The following THBS2 variants were observed in gnomAD, a reference collection of about 807,000 sequenced individuals.
THBS2 encodes thrombospondin-2.
A neutral mutation model predicts 135.2 loss-of-function variants in THBS2; 47 were observed. That is an observed-to-expected ratio of 0.35 (90% CI 0.28 to 0.44). The LOEUF (loss-of-function observed/expected upper bound fraction) is 0.44, where lower values mean the gene tolerates loss of function less well. Ranked by LOEUF, THBS2 falls within the 20% of genes least tolerant of loss-of-function variation. The probability of loss-of-function intolerance (pLI) is 1.00; values close to 1 mark genes in which losing one functional copy is unlikely to be tolerated. For synonymous variants in THBS2, 639 were observed against 633.8 expected, an observed-to-expected ratio of 1.01 and a Z score of -0.12; for missense variants, 1,288 against 1,603.1, an observed-to-expected ratio of 0.80 and a Z score of 3.36.
At chr6:169,225,407 CA>C (rs1779591835) in intron 16 of THBS2, 28 bp from the exon 17 acceptor site, 23 of 1,546,404 alleles carry the variant, frequency 1.5e-5, no homozygotes, top group Non-Finnish European at 2.0e-5. Context: ...AGAGAAACAG[CA>C]GAGGACTGCC....
In THBS2 at chr6:169,225,326, T is replaced by C; in HGVS notation, c.2592A>G (p.Ile864Met). 1 of 1,571,230 alleles carries C rather than the reference T, an allele frequency of 6.4e-7. No homozygotes were observed. Among genetic ancestry groups the C allele is most frequent in the Non-Finnish European group, 8.6e-7 (1 of 1,157,768 alleles). The stretch of plus-strand genomic sequence containing the variant: ...GGTTGTTCTGGTGGCCGTCGTCATC[T>C]ATGTCCTCGTTGTTGTCACACTGGT... Reference protein sequence around the residue: ...VGDQCDNNEDIDDDGHQNNQD... With the variant: ...VGDQCDNNEDMDDDGHQNNQD... Residue 864 changes from isoleucine (I) to methionine (M), a missense_variant, in exon 17 of 22, where the codon ATA (isoleucine) becomes ATG (methionine). Transcript: ENST00000617924.
intron 3 of THBS2, among the ~76,000 whole-genome samples, chr6:169,247,373 A>C (rs561277174): frequency 6.6e-6 from 1 of 152,084 alleles, no homozygotes; most frequent in African/African-American, 2.4e-5. Context: ...TTGTATACAC[A>C]TGTGTGATGG....
At chr6:169,221,382 G>C in intron 20 of THBS2, 48 bp downstream of exon 20, 1 of 1,544,384 alleles carries the variant, frequency 6.5e-7, no homozygotes. Context: ...TGTGCCGTCC[G>C]ATGGGAAGCC....
intron 21 of THBS2, among the ~76,000 whole-genome samples, chr6:169,218,337 T>A (rs566073454): frequency 7.2e-6 from 1 of 138,862 alleles, no homozygotes; most frequent in Non-Finnish European, 1.5e-5. Flanking sequence ...GTAGATGAGA[T>A]GAATGGGTGG....
At chr6:169,231,907 G>A (rs1779848845) in intron 13 of THBS2, 73 bp downstream of exon 13, 15 of 1,456,384 alleles carry the variant, frequency 1.0e-5, no homozygotes, top group East Asian at 2.4e-5. Context: ...CCCCCCGTCC[G>A]CGTAGCGTCC....
At chr6:169,247,525 T>TG in intron 3 of THBS2, among the ~76,000 whole-genome samples, 1 of 126,950 alleles carries the variant, frequency 7.9e-6, no homozygotes, top group East Asian at 2.1e-4. Flanking sequence ...TGTGTTTATG[T>TG]GTGGGGGATG....
At chr6:169,233,471 A>G (rs1048327043) in intron 10 of THBS2, among the ~76,000 whole-genome samples, 1 of 151,746 alleles carries the variant, frequency 6.6e-6, no homozygotes, top group African/African-American at 2.4e-5. Context: ...GCCACCTTCC[A>G]GACCACACAA....
At chr6:169,247,731 C>T (rs1318996792) in intron 3 of THBS2, among the ~76,000 whole-genome samples, 3 of 151,788 alleles carry the variant, frequency 2.0e-5, no homozygotes, top group African/African-American at 4.8e-5. Flanking sequence ...TGCACATGTG[C>T]ATGCATGAGT....
chr6:169,242,442 C>T (rs1583418193), intron 4 of THBS2, among the ~76,000 whole-genome samples: 3 of 151,990 alleles, frequency 2.0e-5, no homozygotes, highest in African/African-American at 7.2e-5. Flanking sequence ...CATCCCCAAA[C>T]ACCCTTTCTT....
In THBS2 at chr6:169,231,992, G is replaced by A; in HGVS notation, c.2139C>T (p.Tyr713=). 6.2e-7 allele frequency: 1 copy of A among 1,613,846 alleles called. No homozygotes were observed. Among genetic ancestry groups the A allele is most frequent in the Non-Finnish European group, 8.5e-7 (1 of 1,179,904 alleles). The stretch of plus-strand genomic sequence containing the variant: ...CCCCGCGCCTCACCTTGATGCAGTG[G>A]TAGGTGGCGTTGGTGGCGCAGACCA... The part of the protein sequence containing the change: ...LNLVCATNAT[Y]HCIKDNCPHL... Residue 713 remains tyrosine (Y), a synonymous_variant, in exon 13 of 22, where the codon TAC becomes TAT. Transcript: ENST00000617924.
intron 9 of THBS2, among the ~76,000 whole-genome samples, chr6:169,235,733 C>T (rs1390541575): frequency 1.3e-5 from 2 of 150,168 alleles, no homozygotes; most frequent in Non-Finnish European, 3.0e-5. Context: ...CTTCCATCCA[C>T]ACTCACTGCC....
rs759232361 is a variant in THBS2 at position 169,245,328 on chromosome 6, A to G, written c.694+869T>C. On this transcript the variant is annotated intron_variant, in intron 4 of 21. Coordinates refer to ENST00000617924, the MANE Select transcript of THBS2 (RefSeq NM_003247.5). ...AAGATTAGATGATGTACGGCATTTA[A>G]TGAACCTGTCATAGTGACCTTCAGA... 7.9e-5 allele frequency among the ~76,000 whole-genome samples: 12 copies of G among 152,366 alleles called. 1 individual carries two copies. The South Asian group carries it at 1.7e-3, about 21-fold the overall frequency.
At chr6:169,233,117 A>G in intron 10 of THBS2, 100 bp from the exon 11 acceptor site, 1 of 1,411,286 alleles carries the variant, frequency 7.1e-7, no homozygotes, top group Non-Finnish European at 9.3e-7. Context: ...TGTCTTTGTC[A>G]TCGAATTGTG....
At position 169,248,351 on chromosome 6, in the gene THBS2, T is replaced by C. The variant is rs1780629689; in HGVS notation, c.609+66A>G. The C allele has an allele frequency of 4.0e-5, 61 of 1,517,186 alleles. No individual in the cohort carries two copies. In the South Asian group the frequency reaches 7.2e-4, roughly 18 times the overall value. The allele number at this position is 1,517,186 out of a possible 1,614,324, so 94.0% of individuals were successfully genotyped here. On this transcript the variant is annotated intron_variant, in intron 3 of 21. Transcript: ENST00000617924. ...CTCAAGCATCGCATCACCAGACGCA[T>C]TAGCAGATCAGTTCCCAGCTAAGCT... is the stretch of plus-strand genomic sequence containing the variant.
At position 169,223,205 on chromosome 6, in the gene THBS2, C is replaced by T. The variant is rs897505649; in HGVS notation, c.3001+43G>A. 3.2e-6 allele frequency: 5 copies of T among 1,583,444 alleles called. No individual in the cohort carries two copies. In the South Asian group the frequency reaches 3.4e-5, roughly 11 times the overall value. ...GTCTGCATCTTCTGTGGGCGCCTCC[C>T]CCGGAGAAATGCTGGCACCACCGCC... On this transcript the variant is annotated intron_variant, in intron 18 of 21. Transcript: ENST00000617924.
chr6:169,248,992 T>A lies in THBS2; in HGVS notation c.53-19A>T. On this transcript the variant is annotated intron_variant, in intron 2 of 21. Transcript: ENST00000617924. ...TGACCAGCTGCAAAGGGAACCGCAGTGGAGAAGGGTGACGTAGGGGAAGAG... is the reference window on the plus strand; with the variant it reads ...TGACCAGCTGCAAAGGGAACCGCAGAGGAGAAGGGTGACGTAGGGGAAGAG... The A allele has an allele frequency of 6.3e-7, 1 of 1,578,172 alleles. No homozygotes were observed. Among genetic ancestry groups the A allele is most frequent in the South Asian group, 1.2e-5 (1 of 85,292 alleles).
chr6:169,225,400 G>C (rs1374354868), intron 16 of THBS2, 21 bp from the exon 17 acceptor site: 1 of 1,550,152 alleles, frequency 6.5e-7, no homozygotes, highest in East Asian at 2.4e-5. Context: ...GGGCGTGAGA[G>C]AAACAGCAGA....
chr6:169,246,656 T>G (rs9505897), intron 3 of THBS2, among the ~76,000 whole-genome samples: 30,836 of 152,160 alleles, frequency 0.2, 3,499 homozygotes, highest in Middle Eastern at 0.27. Flanking sequence ...TTTCTGCATT[T>G]GGCAAAGAGG....
At chr6:169,234,646 GT>G in intron 10 of THBS2, 87 bp downstream of exon 10, 2 of 1,306,932 alleles carry the variant, frequency 1.5e-6, no homozygotes, top group Non-Finnish European at 2.0e-6. Flanking sequence ...TCTTTTCTGT[GT>G]TTTTCATCTA....
Sources: allele counts gnomAD v4.1 joint callset (sites outside exome capture counted in the v4.1 genomes callset), GRCh38; gene constraint gnomAD v4.1.1; transcripts MANE v1.5; gene names NCBI Gene and HGNC (gene_info 2026-07-23, HGNC 2026-07-21).